The following GNA12 variants were observed in gnomAD, a reference collection of about 807,000 sequenced individuals.
The protein encoded by GNA12 is G protein subunit alpha 12.
Under a neutral mutation model 26.0 loss-of-function variants are expected in GNA12, and 9 were observed. The observed-to-expected ratio is 0.35, with a 90% CI of 0.21 to 0.60. The LOEUF (loss-of-function observed/expected upper bound fraction) is 0.60, where lower values mean the gene tolerates loss of function less well. GNA12 is among the 20% of genes least tolerant of loss of function. The probability of loss-of-function intolerance (pLI) is 0.78; values close to 1 mark genes in which losing one functional copy is unlikely to be tolerated. For synonymous variants in GNA12, 264 were observed against 219.6 expected, an observed-to-expected ratio of 1.20 and a Z score of -1.79; for missense variants, 405 against 525.8, an observed-to-expected ratio of 0.77 and a Z score of 2.25.
At chr7:2,805,894 C>T (rs555942528) in intron 1 of GNA12, among the ~76,000 whole-genome samples, 6 of 152,190 alleles carry the variant, frequency 3.9e-5, no homozygotes, top group South Asian at 4.2e-4. Context: ...CGAGGGCCAC[C>T]GAGCAGTGGA....
At chr7:2,736,549 G>A (rs1790186901) in intron 2 of GNA12, among the ~76,000 whole-genome samples, 1 of 152,170 alleles carries the variant, frequency 6.6e-6, no homozygotes, top group African/African-American at 2.4e-5. Flanking sequence ...TCTGTTTCAA[G>A]CAGCAGCAGC....
At chr7:2,738,549 C>A (rs907132508) in intron 2 of GNA12, among the ~76,000 whole-genome samples, 1 of 151,950 alleles carries the variant, frequency 6.6e-6, no homozygotes, top group East Asian at 1.9e-4. Context: ...GAGACTAAAA[C>A]CCATATTCTG....
At chr7:2,800,356 A>G (rs1438621192) in intron 1 of GNA12, among the ~76,000 whole-genome samples, 1 of 152,234 alleles carries the variant, frequency 6.6e-6, no homozygotes, top group Admixed American at 6.5e-5. Context: ...GTGACTAGAA[A>G]GGGGCAACAC....
At chr7:2,763,020 C>T in intron 2 of GNA12, 1 of 1,279,216 alleles carries the variant, frequency 7.8e-7, no homozygotes, top group Non-Finnish European at 9.8e-7. Context: ...CCCCGCCGGC[C>T]ACTGGCCCAG....
intron 2 of GNA12, chr7:2,763,050 C>G (rs1791643537): frequency 6.4e-6 from 8 of 1,247,132 alleles, no homozygotes; most frequent in Non-Finnish European, 8.0e-6. Flanking sequence ...TGCCGTTCCT[C>G]CAGGACGCAG....
chr7:2,842,031 G>A (rs557946657), intron 1 of GNA12, among the ~76,000 whole-genome samples: 91 of 143,100 alleles, frequency 6.4e-4, no homozygotes, highest in African/African-American at 2.2e-3. Flanking sequence ...AAGGGAGGAA[G>A]GAAGAAAAGA....
intron 2 of GNA12, among the ~76,000 whole-genome samples, chr7:2,774,375 T>C (rs1792023636): frequency 6.6e-6 from 1 of 152,120 alleles, no homozygotes; most frequent in South Asian, 2.1e-4. Context: ...TTAATCAAGA[T>C]TGTCAGGTAA....
In GNA12 at chr7:2,744,018, C is replaced by T. The variant is rs530969612; in HGVS notation, c.526-10517G>A. Among the ~76,000 whole-genome samples, 34 of 152,326 alleles carry T rather than the reference C, an allele frequency of 2.2e-4. 1 individual carries two copies. The highest frequency in any genetic ancestry group is 6.0e-4 in the African/African-American group (25 of 41,580). On this transcript the variant is annotated intron_variant, in intron 2 of 3. Coordinates refer to ENST00000275364, the MANE Select transcript of GNA12 (RefSeq NM_007353.3). ...GACTTGATTAGGTAAACAAAGCAGCCGGGAAGCTCAAACTGGGTGGAGCCC... is the reference window on the plus strand; with the variant it reads ...GACTTGATTAGGTAAACAAAGCAGCTGGGAAGCTCAAACTGGGTGGAGCCC...
At chr7:2,790,974 TAA>T (rs543331692) in intron 2 of GNA12, among the ~76,000 whole-genome samples, 14 of 130,962 alleles carry the variant, frequency 1.1e-4, no homozygotes, top group Non-Finnish European at 1.1e-4. Flanking sequence ...ATTGTCCCTT[TAA>T]AAAAAAAAAA....
intron 2 of GNA12, among the ~76,000 whole-genome samples, chr7:2,747,334 G>A (rs1354140363): frequency 1.3e-5 from 2 of 152,088 alleles, no homozygotes; most frequent in Non-Finnish European, 2.9e-5. Context: ...GATCAAGTTG[G>A]GCTTCATCCC....
At chr7:2,773,472 G>T (rs970393638) in intron 2 of GNA12, among the ~76,000 whole-genome samples, 1 of 152,174 alleles carries the variant, frequency 6.6e-6, no homozygotes, top group Non-Finnish European at 1.5e-5. Flanking sequence ...TGAGGCAGGA[G>T]AATTGCTTGA....
At chr7:2,743,726 C>T (rs147281075) in intron 2 of GNA12, among the ~76,000 whole-genome samples, 3,543 of 152,286 alleles carry the variant, frequency 0.023, 97 homozygotes, top group Middle Eastern at 0.075. Flanking sequence ...GGGCGAGGCA[C>T]TGCCTCACTC....
At chr7:2,817,759 T>C (rs1027582772) in intron 1 of GNA12, among the ~76,000 whole-genome samples, 1 of 152,212 alleles carries the variant, frequency 6.6e-6, no homozygotes, top group African/African-American at 2.4e-5. Context: ...GTTCCAGTAT[T>C]AGGACTGGGG....
At chr7:2,814,117 C>A (rs1276072095) in intron 1 of GNA12, among the ~76,000 whole-genome samples, 1 of 152,190 alleles carries the variant, frequency 6.6e-6, no homozygotes, top group Non-Finnish European at 1.5e-5. Context: ...TTGAATCACG[C>A]CTCGGGCTTC....
chr7:2,738,853 T>C (rs1475758704), intron 2 of GNA12, among the ~76,000 whole-genome samples: 2 of 152,242 alleles, frequency 1.3e-5, no homozygotes, highest in African/African-American at 4.8e-5. Flanking sequence ...TTTTGTTTTT[T>C]GCCAGAATGT....
intron 1 of GNA12, among the ~76,000 whole-genome samples, chr7:2,802,896 G>T (rs954948349): frequency 6.6e-6 from 1 of 152,188 alleles, no homozygotes; most frequent in South Asian, 2.1e-4. Context: ...GCAGTAAGCC[G>T]TCAAACCAGC....
chr7:2,800,787 G>C (rs1431971485), intron 1 of GNA12, among the ~76,000 whole-genome samples: 1 of 152,094 alleles, frequency 6.6e-6, no homozygotes, highest in South Asian at 2.1e-4. Flanking sequence ...TCTACCTAGA[G>C]GGAAAATGTG....
intron 2 of GNA12, among the ~76,000 whole-genome samples, chr7:2,779,997 T>C (rs1240077617): frequency 6.8e-6 from 1 of 146,718 alleles, no homozygotes; most frequent in African/African-American, 2.5e-5. Flanking sequence ...ACAACTGAGG[T>C]AGCTCAGTGG....
At chr7:2,762,545 T>G (rs183714023) in intron 2 of GNA12, 1,144 of 1,318,786 alleles carry the variant, frequency 8.7e-4, no homozygotes, top group Admixed American at 2.8e-3. Context: ...CGCCTTCTAT[T>G]CTGGAGTTAG....
Sources: allele counts gnomAD v4.1 joint callset (sites outside exome capture counted in the v4.1 genomes callset), GRCh38; gene constraint gnomAD v4.1.1; transcripts MANE v1.5; gene names NCBI Gene and HGNC (gene_info 2026-07-23, HGNC 2026-07-21).